The following SOHLH2 variants were observed in gnomAD, a reference collection of about 807,000 sequenced individuals.
The protein encoded by SOHLH2 is spermatogenesis and oogenesis specific basic helix-loop-helix 2, also known as spermatogenesis- and oogenesis-specific basic helix-loop-helix-containing protein 2.
SOHLH2 carries 22 observed loss-of-function variants against 50.4 expected under a neutral mutation model. The ratio of observed to expected loss-of-function variants is 0.44; its 90% CI spans 0.31 to 0.62. The LOEUF is 0.62. SOHLH2 is among the 20% of genes least tolerant of loss of function. The probability of loss-of-function intolerance (pLI) is 0.08; values close to 1 mark genes in which losing one functional copy is unlikely to be tolerated. For missense variants in SOHLH2, 412 were observed against 504.4 expected (o/e 0.82, Z 1.76); for synonymous variants, 185 against 187.3 (o/e 0.99, Z 0.10).
Position 36,202,094 on chromosome 13 carries a change from C to T in SOHLH2, c.49-1G>A. On this transcript the variant is annotated splice_acceptor_variant, in intron 1 of 10. Coordinates refer to ENST00000379881, the MANE Select transcript of SOHLH2 (RefSeq NM_017826.3). LOFTEE classifies it high-confidence loss of function. The stretch of plus-strand genomic sequence containing the variant: ...CAACTAATAAGATGTCTATTTTTGC[C>T]TGAAAGAGAAGGAAGCAGAGGCGTC... 1 of 1,613,974 alleles carries T rather than the reference C, an allele frequency of 6.2e-7. No individual in the cohort carries two copies. The highest frequency in any genetic ancestry group is 8.5e-7 in the Non-Finnish European group (1 of 1,179,986).
chr13:36,175,444 A>T lies in SOHLH2; in HGVS notation c.642-575T>A, dbSNP rs1887073079. ...CTTCCTTTACATGAGGTAGGTACAG[A>T]CAGAACGAGCAGACCAGGATGCAGG... On this transcript the variant is annotated intron_variant, in intron 6 of 10. Coordinates refer to ENST00000379881, the MANE Select transcript of SOHLH2 (RefSeq NM_017826.3). 3.3e-5 allele frequency among the ~76,000 whole-genome samples: 5 copies of T among 152,218 alleles called. No homozygotes were observed. In the South Asian group the frequency reaches 1.0e-3, roughly 32 times the overall value.
At chr13:36,173,649 G>A (rs766754996) in intron 9 of SOHLH2, 43 bp downstream of exon 9, 1 of 1,608,718 alleles carries the variant, frequency 6.2e-7, no homozygotes, top group Admixed American at 1.7e-5. Context: ...GCAGGGCAGG[G>A]CAGGTCCCCC....
chr13:36,174,465 C>G lies in SOHLH2; in HGVS notation c.881+11G>C. On this transcript the variant is annotated intron_variant, in intron 8 of 10. Coordinates refer to ENST00000379881, the MANE Select transcript of SOHLH2 (RefSeq NM_017826.3). Reference sequence around the variant, plus strand: ...TAGCAGACTTCAGATTCGCAAAAGCCCTTATCATACCGCTGTGCCATGACA... The same window carrying G: ...TAGCAGACTTCAGATTCGCAAAAGCGCTTATCATACCGCTGTGCCATGACA... 6.2e-7 allele frequency: 1 copy of G among 1,612,244 alleles called. No individual in the cohort carries two copies. The highest frequency in any genetic ancestry group is 8.5e-7 in the Non-Finnish European group (1 of 1,179,610).
rs756615235 is a variant in SOHLH2, at chr13:36,170,763, T to C, written c.1025A>G (p.Asn342Ser). 6.2e-7 allele frequency: 1 copy of C among 1,613,854 alleles called. No homozygotes were observed. Among genetic ancestry groups the C allele is most frequent in the Non-Finnish European group, 8.5e-7 (1 of 1,179,732 alleles). The change falls in exon 10 of 11, where the codon AAT (asparagine) becomes AGT (serine). Residue 342 changes from asparagine to serine, a missense_variant. Physicochemically the swap from Asn to Ser is conservative, Grantham distance 46 (BLOSUM62 1). Coordinates refer to ENST00000379881, the MANE Select transcript of SOHLH2 (RefSeq NM_017826.3). ...VRVPSSSASENAIGDPYKTHI... is the reference protein window; with the variant it reads ...VRVPSSSASESAIGDPYKTHI... ...AGTTTTATATGGATCACCAATAGCA[T>C]TCTCTGAGGCGGAGCTTGATGGAAC...
At position 36,168,754 on chromosome 13, in the gene SOHLH2, G is replaced by C. The variant is rs999760844; in HGVS notation, c.*280C>G. 9 of 423,760 alleles carry C rather than the reference G, an allele frequency of 2.1e-5. No individual in the cohort carries two copies. The highest frequency in any genetic ancestry group is 3.3e-5 in the Non-Finnish European group (8 of 241,314). 26.2% of individuals were successfully genotyped at this position (423,760 alleles called of 1,614,324 possible). A position where few individuals can be genotyped will look rare whatever the true frequency, so the allele number is the denominator to read the frequency against. On this transcript the variant is annotated 3_prime_UTR_variant, in exon 11 of 11. Transcript: ENST00000379881. ...AATTGTGGAATATTTTTTGAGAAAA[G>C]AGAGTGTAGGTCACTGAGGCCATTT...
At chr13:36,214,253 G>A (rs577797371) in intron 1 of SOHLH2, among the ~76,000 whole-genome samples, 1 of 152,226 alleles carries the variant, frequency 6.6e-6, no homozygotes, top group South Asian at 2.1e-4. Context: ...AGGGCCTGGT[G>A]GCACCCGGGG....
intron 2 of SOHLH2, among the ~76,000 whole-genome samples, chr13:36,194,854 T>G (rs905375831): frequency 2.0e-5 from 3 of 152,226 alleles, no homozygotes; most frequent in Non-Finnish European, 2.9e-5. Context: ...ATTATTTATT[T>G]ATTAAAATGA....
In SOHLH2 at chr13:36,173,814, G is replaced by C; in HGVS notation, c.882-4C>G. ...AGTGCTCATCACACTGTTTTCCCTT[G>C]AAAGGACAGAAAAAATTATTTGCAC... is the stretch of plus-strand genomic sequence containing the variant. On this transcript the variant is annotated splice_region_variant and splice_polypyrimidine_tract_variant and intron_variant, in intron 8 of 10. Coordinates refer to ENST00000379881, the MANE Select transcript of SOHLH2 (RefSeq NM_017826.3). 6.2e-7 allele frequency: 1 copy of C among 1,613,826 alleles called. No individual in the cohort carries two copies. Among genetic ancestry groups the C allele is most frequent in the Non-Finnish European group, 8.5e-7 (1 of 1,179,926 alleles).
intron 10 of SOHLH2, among the ~76,000 whole-genome samples, chr13:36,169,921 G>C (rs1886916565): frequency 6.6e-6 from 1 of 152,164 alleles, no homozygotes; most frequent in Non-Finnish European, 1.5e-5. Flanking sequence ...CAACCATATT[G>C]TAATTTCTGC....
chr13:36,211,158 G>T (rs61061054), intron 1 of SOHLH2, among the ~76,000 whole-genome samples: 5,247 of 152,216 alleles, frequency 0.034, 318 homozygotes, highest in African/African-American at 0.12. Flanking sequence ...TATCTAATAC[G>T]ATCAGGGTGT....
At chr13:36,204,277 G>T (rs555017514) in intron 1 of SOHLH2, among the ~76,000 whole-genome samples, 1 of 152,012 alleles carries the variant, frequency 6.6e-6, no homozygotes, top group East Asian at 1.9e-4. Context: ...AAGGTCTCTT[G>T]TCACTAATAA....
rs144889971 is a variant in SOHLH2, at chr13:36,174,457, G to A, written c.881+19C>T. ...AAAATAACTAGCAGACTTCAGATTCGCAAAAGCCCTTATCATACCGCTGTG... is the reference window on the plus strand; with the variant it reads ...AAAATAACTAGCAGACTTCAGATTCACAAAAGCCCTTATCATACCGCTGTG... On this transcript the variant is annotated intron_variant, in intron 8 of 10. Coordinates refer to ENST00000379881, the MANE Select transcript of SOHLH2 (RefSeq NM_017826.3). The A allele has an allele frequency of 2.1e-5, 33 of 1,608,978 alleles. No individual in the cohort carries two copies. Among genetic ancestry groups the A allele is most frequent in the Non-Finnish European group, 2.7e-5 (32 of 1,178,832 alleles).
chr13:36,201,850 G>T (rs748293792), intron 2 of SOHLH2, 29 bp downstream of exon 2: 3 of 1,610,380 alleles, frequency 1.9e-6, no homozygotes, highest in Non-Finnish European at 2.5e-6. Flanking sequence ...TGATTCTAAA[G>T]ATACAGCATC....
At chr13:36,189,549 C>T (rs1887516815) in intron 6 of SOHLH2, among the ~76,000 whole-genome samples, 1 of 152,180 alleles carries the variant, frequency 6.6e-6, no homozygotes, top group Admixed American at 6.5e-5. Context: ...CTCAATTTAG[C>T]TACTGCCATC....
chr13:36,174,131 G>T (rs1887036932), intron 8 of SOHLH2, among the ~76,000 whole-genome samples: 1 of 152,140 alleles, frequency 6.6e-6, no homozygotes, highest in African/African-American at 2.4e-5. Flanking sequence ...CAGCTCCAGG[G>T]CCCGAGACCT....
At chr13:36,214,395 G>C in intron 1 of SOHLH2, 84 bp downstream of exon 1, 1 of 1,507,400 alleles carries the variant, frequency 6.6e-7, no homozygotes, top group Non-Finnish European at 9.0e-7. Flanking sequence ...CCCAGGCCGG[G>C]CTTTGAGGGC....
At chr13:36,202,124 A>C in intron 1 of SOHLH2, 31 bp from the exon 2 acceptor site, 1 of 1,611,692 alleles carries the variant, frequency 6.2e-7, no homozygotes, top group Non-Finnish European at 8.5e-7. Context: ...GGCGTCACAT[A>C]ATTATTGCCT....
chr13:36,198,594 C>A (rs1042132424), intron 2 of SOHLH2, among the ~76,000 whole-genome samples: 1 of 152,092 alleles, frequency 6.6e-6, no homozygotes, highest in African/African-American at 2.4e-5. Flanking sequence ...GTGAGATGTG[C>A]CATAATTCTT....
intron 1 of SOHLH2, among the ~76,000 whole-genome samples, chr13:36,202,932 G>GT (rs1868514778): frequency 6.6e-6 from 1 of 152,222 alleles, no homozygotes; most frequent in Non-Finnish European, 1.5e-5. Flanking sequence ...GGATGCTGGT[G>GT]TAAGTGGCCC....
Sources: allele counts gnomAD v4.1 joint callset (sites outside exome capture counted in the v4.1 genomes callset), GRCh38; gene constraint gnomAD v4.1.1; transcripts MANE v1.5; gene names NCBI Gene and HGNC (gene_info 2026-07-23, HGNC 2026-07-21).